The following SAMMSON variants were observed in gnomAD, a reference collection of about 807,000 sequenced individuals.
SAMMSON encodes the protein survival associated mitochondrial melanoma specific oncogenic non-coding RNA, also known as long intergenic non-protein coding RNA 1212.
intron 4 of SAMMSON, among the ~76,000 whole-genome samples, chr3:70,124,618 C>T (rs2067447941): frequency 6.6e-6 from 1 of 151,970 alleles, no homozygotes; most frequent in Non-Finnish European, 1.5e-5. Flanking sequence ...CAAGACCATT[C>T]TGGCTAACAC....
At chr3:70,277,327 A>G (rs763041949) in intron 6 of SAMMSON, among the ~76,000 whole-genome samples, 1 of 152,158 alleles carries the variant, frequency 6.6e-6, no homozygotes, top group Non-Finnish European at 1.5e-5. Flanking sequence ...TACCTTAAAA[A>G]CTTATGTAAA....
At chr3:70,073,926 G>T (rs2067238938) in intron 4 of SAMMSON, among the ~76,000 whole-genome samples, 1 of 152,038 alleles carries the variant, frequency 6.6e-6, no homozygotes, top group Non-Finnish European at 1.5e-5. Flanking sequence ...GAATTTATAG[G>T]AATTTTAGAT....
chr3:70,273,054 T>A lies in SAMMSON; in HGVS notation n.675-18125T>A, dbSNP rs916718114. ...TATCCTTCTCACTCTCCTGCCTACC[T>A]GTTGTCAAGGGAAGTTCAGCCAGTG... On this transcript the variant is annotated intron_variant and non_coding_transcript_variant, in intron 6 of 9. Transcript: ENST00000642114. Among the ~76,000 whole-genome samples, 20 of 152,286 alleles carry A rather than the reference T, an allele frequency of 1.3e-4. No homozygotes were observed. The South Asian group carries it at 3.9e-3, about 30-fold the overall frequency.
At chr3:70,095,518 A>G (rs2067319986) in intron 4 of SAMMSON, among the ~76,000 whole-genome samples, 1 of 152,098 alleles carries the variant, frequency 6.6e-6, no homozygotes, top group Admixed American at 6.6e-5. Flanking sequence ...TTTTCTTTGT[A>G]GGACTCGTCG....
intron 9 of SAMMSON, among the ~76,000 whole-genome samples, chr3:70,364,290 G>A (rs1207441754): frequency 6.6e-6 from 1 of 151,830 alleles, no homozygotes; most frequent in Non-Finnish European, 1.5e-5. Context: ...GTTATTGATT[G>A]TTCAAAACTG....
At chr3:70,041,403 C>T (rs1015635597) in intron 3 of SAMMSON, among the ~76,000 whole-genome samples, 3 of 152,096 alleles carry the variant, frequency 2.0e-5, no homozygotes, top group African/African-American at 7.2e-5. Context: ...TTTAGTTTCA[C>T]AATTTGCCTT....
intron 4 of SAMMSON, chr3:70,125,548 T>C: frequency 1.4e-6 from 1 of 696,516 alleles, no homozygotes. Flanking sequence ...CTATACTGGA[T>C]GCATCAGCTT....
chr3:70,382,280 G>A (rs552935042), intron 9 of SAMMSON, among the ~76,000 whole-genome samples: 11 of 151,948 alleles, frequency 7.2e-5, no homozygotes, highest in Admixed American at 2.0e-4. Context: ...TTGGCGTGTC[G>A]TCTCTTAATT....
intron 4 of SAMMSON, among the ~76,000 whole-genome samples, chr3:70,162,664 G>A (rs1362369920): frequency 2.6e-5 from 4 of 151,846 alleles, no homozygotes; most frequent in Admixed American, 2.6e-4. Flanking sequence ...GTTGGTAATA[G>A]TGTCCAAGTC....
chr3:70,199,292 G>T (rs1450536875), intron 4 of SAMMSON, among the ~76,000 whole-genome samples: 2 of 152,052 alleles, frequency 1.3e-5, no homozygotes, highest in Non-Finnish European at 2.9e-5. Flanking sequence ...CAACCTTTTG[G>T]TTCAATTGCT....
chr3:70,388,896 T>C (rs536053446), intron 9 of SAMMSON, among the ~76,000 whole-genome samples: 1 of 151,916 alleles, frequency 6.6e-6, no homozygotes, highest in South Asian at 2.1e-4. Flanking sequence ...TGTTGGGAGG[T>C]TGGGTCTAGT....
At chr3:70,419,399 A>G (rs929608306) in intron 2 of SAMMSON, among the ~76,000 whole-genome samples, 1 of 152,116 alleles carries the variant, frequency 6.6e-6, no homozygotes, top group Non-Finnish European at 1.5e-5. Context: ...CATGGGGGGA[A>G]GAGGTCTCAC....
chr3:70,196,872 T>G (rs36049168), intron 4 of SAMMSON: 1 of 397,814 alleles, frequency 2.5e-6, no homozygotes, highest in Non-Finnish European at 4.4e-6. Flanking sequence ...CTTGTTGTAA[T>G]GGAATTTCCC....
At chr3:70,404,586 T>C (rs752507909) in intron 2 of SAMMSON, among the ~76,000 whole-genome samples, 1 of 152,216 alleles carries the variant, frequency 6.6e-6, no homozygotes, top group African/African-American at 2.4e-5. Flanking sequence ...GGTATGACTC[T>C]CTTCTGCTTC....
At chr3:70,242,932 A>AC (rs1359743684) in intron 4 of SAMMSON, among the ~76,000 whole-genome samples, 1 of 152,146 alleles carries the variant, frequency 6.6e-6, no homozygotes, top group African/African-American at 2.4e-5. Context: ...GTAAAAAACA[A>AC]CCATCAAAAA....
intron 3 of SAMMSON, among the ~76,000 whole-genome samples, chr3:70,032,790 G>GCCAA (rs2067070837): frequency 6.6e-6 from 1 of 152,186 alleles, no homozygotes; most frequent in Admixed American, 6.5e-5. Flanking sequence ...AGAGCACTAA[G>GCCAA]CCAACAACTA....
intron 4 of SAMMSON, among the ~76,000 whole-genome samples, chr3:70,135,139 AT>A (rs1224884201): frequency 2.0e-5 from 3 of 152,108 alleles, no homozygotes; most frequent in Admixed American, 1.3e-4. Context: ...CTGTGCATTT[AT>A]TTGTCAATAA....
At chr3:70,278,022 C>T (rs956336654) in intron 6 of SAMMSON, among the ~76,000 whole-genome samples, 13 of 152,062 alleles carry the variant, frequency 8.5e-5, no homozygotes, top group African/African-American at 2.7e-4. Flanking sequence ...TTTTTACAAA[C>T]GTGTACACCT....
intron 3 of SAMMSON, among the ~76,000 whole-genome samples, chr3:70,047,965 A>T (rs564125301): frequency 6.6e-6 from 1 of 152,084 alleles, no homozygotes; most frequent in East Asian, 1.9e-4. Flanking sequence ...ACCTCCCCAC[A>T]CTGTTGTATT....
Sources: gnomAD v4.1 joint callset for allele counts (sites outside exome capture counted in the v4.1 genomes callset) on GRCh38, gnomAD v4.1.1 for gene constraint, MANE v1.5 for transcripts, NCBI Gene and HGNC (gene_info 2026-07-23, HGNC 2026-07-21) for gene names.